The following ZNF653 variants were observed in gnomAD, a reference collection of about 807,000 sequenced individuals.
The protein encoded by ZNF653 is 67 kDa zinc finger protein.
In ZNF653, 37 loss-of-function variants were observed where a neutral mutation model predicts 59.9. That is an observed-to-expected ratio of 0.62 (90% CI 0.48 to 0.81). The LOEUF is 0.81. Ranked by LOEUF, ZNF653 falls within the 40% of genes least tolerant of loss-of-function variation. The pLI is 0.00. For missense variants in ZNF653, 808 were observed against 881.1 expected, an observed-to-expected ratio of 0.92 and a Z score of 1.05; for synonymous variants, 435 against 371.8, an observed-to-expected ratio of 1.17 and a Z score of -1.96.
At chr19:11,502,095 T>C (rs1971651820) in intron 1 of ZNF653, among the ~76,000 whole-genome samples, 1 of 144,346 alleles carries the variant, frequency 6.9e-6, no homozygotes, top group South Asian at 2.2e-4. Context: ...GCCTGGCCTA[T>C]TTTTATTTTA....
chr19:11,505,432 C>A lies in ZNF653; in HGVS notation c.299+56G>T, dbSNP rs1033025170. On this transcript the variant is annotated intron_variant, in intron 1 of 8. Coordinates refer to ENST00000293771, the MANE Select transcript of ZNF653 (RefSeq NM_138783.4). ...AGAAGCGGAGGGGGCGGGGTAAAGC[C>A]CGGCGGGGTCTGGGGGCGTCTCCTC... is the stretch of plus-strand genomic sequence containing the variant. 2.2e-5 allele frequency: 30 copies of A among 1,373,852 alleles called. No homozygotes were observed. The Middle Eastern group carries it at 1.9e-3, about 85-fold the overall frequency. 85.1% of individuals were successfully genotyped at this position (1,373,852 alleles called of 1,614,324 possible). A position where few individuals can be genotyped will look rare whatever the true frequency, so the allele number is the denominator to read the frequency against.
rs117978184 is a variant in ZNF653, at chr19:11,487,262, T to G, written c.1171+30A>C. ...GGCCCCTCCCAGGCCCAACCACCCC[T>G]GGCCAGAGGCCACGACAGGTCCCCC... is the stretch of plus-strand genomic sequence containing the variant. On this transcript the variant is annotated intron_variant, in intron 4 of 8. Transcript: ENST00000293771. This position sits in a 1 kb window ranked among gnomAD's most constrained non-coding sequence, Gnocchi z 5.1. 7.1e-4 allele frequency: 1,136 copies of G among 1,603,378 alleles called. 17 individuals are homozygous for G. The East Asian group carries it at 0.022, about 31-fold the overall frequency.
At chr19:11,488,362 G>C (rs1015051120) in intron 3 of ZNF653, among the ~76,000 whole-genome samples, 1 of 151,764 alleles carries the variant, frequency 6.6e-6, no homozygotes, top group East Asian at 1.9e-4. Context: ...GGATGGTCTC[G>C]ATCTCCTGAC....
chr19:11,487,356 C>T lies in ZNF653; in HGVS notation c.1107G>A (p.Glu369=), dbSNP rs1322052524. Residue 369 remains glutamate, a synonymous_variant, in exon 4 of 9, where the codon GAG becomes GAA. Transcript: ENST00000293771. The surrounding 1 kb of genome is among the most constrained non-coding windows in gnomAD (Gnocchi z 5.1). ...MEGVAAYTQT[E]PEGSQPSTMD... ...TGGTGCTAGGCTGGCTACCCTCGGG[C>T]TCTGTCTGGGTGTAGGCTGCCACAC... 2 of 1,613,372 alleles carry T rather than the reference C, an allele frequency of 1.2e-6. No homozygotes were observed. The highest frequency in any genetic ancestry group is 1.7e-6 in the Non-Finnish European group (2 of 1,179,896).
chr19:11,483,895 G>A, intron 8 of ZNF653, 36 bp from the exon 9 acceptor site: 1 of 1,441,206 alleles, frequency 6.9e-7, no homozygotes, highest in Non-Finnish European at 9.4e-7. Flanking sequence ...GGCGGGGTCA[G>A]AGTGGGCGGG....
At chr19:11,494,661 C>T (rs1159261007) in intron 3 of ZNF653, among the ~76,000 whole-genome samples, 2 of 152,194 alleles carry the variant, frequency 1.3e-5, no homozygotes, top group African/African-American at 4.8e-5. Flanking sequence ...GCACTCCAGC[C>T]TGGGCGACAA....
At chr19:11,502,713 C>A (rs978605156) in intron 1 of ZNF653, among the ~76,000 whole-genome samples, 4 of 152,060 alleles carry the variant, frequency 2.6e-5, no homozygotes, top group Admixed American at 2.6e-4. Context: ...AGGCCCAGGC[C>A]CGGGTATGGT....
At chr19:11,483,886 G>A (rs769540959) in intron 8 of ZNF653, 27 bp from the exon 9 acceptor site, 2 of 1,547,116 alleles carry the variant, frequency 1.3e-6, no homozygotes, top group East Asian at 2.4e-5. Context: ...GCGGGACGGG[G>A]CGGGGTCAGA....
chr19:11,505,833 C>T lies in ZNF653; in HGVS notation c.-47G>A, dbSNP rs909538668. 5 of 1,298,254 alleles carry T rather than the reference C, an allele frequency of 3.9e-6. No homozygotes were observed. Among genetic ancestry groups the T allele is most frequent in the South Asian group, 3.5e-5 (2 of 57,476 alleles). The allele number at this position is 1,298,254 out of a possible 1,614,324, so 80.4% of individuals were successfully genotyped here. ...CCTCCCCCGTTGTTAGGAGCCAGAC[C>T]GGAAGTGGCGCGCATCTTCGGCGCC... On this transcript the variant is annotated 5_prime_UTR_variant, in exon 1 of 9. Transcript: ENST00000293771.
rs780352971 is a variant in ZNF653, at chr19:11,486,888, G to A, written c.1344-8C>T. ...CGCTTGCTCCGCCGCCTCCTGGAGG[G>A]GAAGGGGCCATGACATCGGGGCTCC... On this transcript the variant is annotated splice_polypyrimidine_tract_variant and splice_region_variant and intron_variant, in intron 5 of 8. Coordinates refer to ENST00000293771, the MANE Select transcript of ZNF653 (RefSeq NM_138783.4). The A allele has an allele frequency of 2.5e-6, 4 of 1,610,964 alleles. No individual in the cohort carries two copies. The highest frequency in any genetic ancestry group is 1.7e-4 in the Middle Eastern group (1 of 6,058).
chr19:11,484,379 G>A (rs1197993757), intron 7 of ZNF653, among the ~76,000 whole-genome samples: 1 of 152,038 alleles, frequency 6.6e-6, no homozygotes, highest in Non-Finnish European at 1.5e-5. Flanking sequence ...AAGCCAACAT[G>A]GGTCTGAATT....
intron 8 of ZNF653, 31 bp downstream of exon 8, chr19:11,484,011 C>T: frequency 6.5e-7 from 1 of 1,547,990 alleles, no homozygotes; most frequent in Non-Finnish European, 8.7e-7. Flanking sequence ...CCACCCAATC[C>T]TCTAGCGGCA....
At chr19:11,486,727 C>G in intron 6 of ZNF653, 42 bp downstream of exon 6, 1 of 1,519,730 alleles carries the variant, frequency 6.6e-7, no homozygotes, top group Non-Finnish European at 9.0e-7. Flanking sequence ...ATGGCCTGGG[C>G]CTTGTGGGCC....
intron 6 of ZNF653, 105 bp from the exon 7 acceptor site, chr19:11,485,875 C>T (rs1024390656): frequency 3.0e-5 from 25 of 846,890 alleles, no homozygotes; most frequent in Non-Finnish European, 4.6e-5. Context: ...GCTGGCCTCC[C>T]CAGGAGGAGG....
At position 11,505,533 on chromosome 19, in the gene ZNF653, G is replaced by A; in HGVS notation, c.254C>T (p.Ala85Val). 1 of 1,516,230 alleles carries A rather than the reference G, an allele frequency of 6.6e-7. No homozygotes were observed. The highest frequency in any genetic ancestry group is 8.7e-7 in the Non-Finnish European group (1 of 1,144,008). 93.9% of individuals were successfully genotyped at this position (1,516,230 alleles called of 1,614,324 possible). A position where few individuals can be genotyped will look rare whatever the true frequency, so the allele number is the denominator to read the frequency against. Reference sequence around the variant, plus strand: ...GCCGCGCTCCAGAGAGATGAGGTAGGCGGCGAGCTTGGCGTCGCTCCAGCC... The same window carrying A: ...GCCGCGCTCCAGAGAGATGAGGTAGACGGCGAGCTTGGCGTCGCTCCAGCC... ...RSGWSDAKLAAYLISLERGQR... is the reference protein window; with the variant it reads ...RSGWSDAKLAVYLISLERGQR... The change falls in exon 1 of 9, where the codon GCC (alanine) becomes GTC (valine). Residue 85 changes from alanine to valine, a missense_variant. By Grantham distance (64) the Ala-to-Val change is moderately conservative (BLOSUM62 0). Coordinates refer to ENST00000293771, the MANE Select transcript of ZNF653 (RefSeq NM_138783.4).
chr19:11,486,964 C>T (rs1212587927), intron 5 of ZNF653, 23 bp downstream of exon 5: 2 of 1,612,380 alleles, frequency 1.2e-6, no homozygotes, highest in Middle Eastern at 1.6e-4. Context: ...CTCGCCCTCA[C>T]CCTTGCCCGC....
At position 11,486,798 on chromosome 19, in the gene ZNF653, G is replaced by A. The variant is rs779329321; in HGVS notation, c.1426C>T (p.Gln476Ter). Residue 476 changes from glutamine to a stop codon, truncating the protein, a stop_gained, in exon 6 of 9, where the codon CAA (glutamine) becomes TAA (stop). Coordinates refer to ENST00000293771, the MANE Select transcript of ZNF653 (RefSeq NM_138783.4). LOFTEE classifies it high-confidence loss of function. ...MFHCPYEGCS[Q>*]VYVALSSFQN... is the part of the protein sequence containing the mutation. ...AAGCTGCTGAGGGCCACGTAGACTT[G>A]GCTGCAGCCCTCGTATGGGCAGTGG... 1 of 1,610,862 alleles carries A rather than the reference G, an allele frequency of 6.2e-7. No individual in the cohort carries two copies. Among genetic ancestry groups the A allele is most frequent in the South Asian group, 1.1e-5 (1 of 90,470 alleles).
intron 3 of ZNF653, among the ~76,000 whole-genome samples, chr19:11,494,591 G>A (rs939892020): frequency 3.3e-5 from 5 of 152,210 alleles, no homozygotes; most frequent in African/African-American, 1.2e-4. Flanking sequence ...TAGGGAGGCT[G>A]AGGAAGGAGA....
rs1253320709 is a variant in ZNF653 at position 11,495,997 on chromosome 19, T to C, written c.512A>G (p.His171Arg). ...EAGHRYFQDL[H>R]SPLKPLSDSD... ...GTCGCTGAGGGGCTTCAGGGGCGAA[T>C]GCAGGTCCTGGAAGTAGCGGTGGCC... The change falls in exon 3 of 9, where the codon CAT becomes CGT. Residue 171 changes from histidine (H) to arginine (R), a missense_variant. Transcript: ENST00000293771. The surrounding 1 kb of genome is among the most constrained non-coding windows in gnomAD (Gnocchi z 4.9). 2 of 1,614,062 alleles carry C rather than the reference T, an allele frequency of 1.2e-6. No individual in the cohort carries two copies. Among genetic ancestry groups the C allele is most frequent in the Non-Finnish European group, 8.5e-7 (1 of 1,180,016 alleles).
Sources: gnomAD v4.1 joint callset for allele counts (sites outside exome capture counted in the v4.1 genomes callset) on GRCh38, gnomAD v4.1.1 for gene constraint, Gnocchi (gnomAD v3.1) non-coding constraint, MANE v1.5 for transcripts, NCBI Gene and HGNC (gene_info 2026-07-23, HGNC 2026-07-21) for gene names.